The following CACNA2D3 variants were observed in gnomAD, a reference collection of about 807,000 sequenced individuals.
CACNA2D3 encodes the protein voltage-dependent calcium channel subunit alpha-2/delta-3.
A neutral mutation model predicts 160.6 loss-of-function variants in CACNA2D3; 60 were observed. That is an observed-to-expected ratio of 0.37 (90% confidence interval 0.30 to 0.46). The LOEUF is 0.46. Among genes scored for constraint, CACNA2D3 ranks in the 20% least tolerant of loss-of-function variants. The pLI, the probability that CACNA2D3 is intolerant of heterozygous loss-of-function variation, is 1.00. For missense variants in CACNA2D3, 1,205 were observed against 1,365.0 expected (o/e 0.88, Z 1.85); for synonymous variants, 558 against 492.9 (o/e 1.13, Z -1.75).
chr3:54,503,422 C>A, intron 4 of CACNA2D3, 70 bp from the exon 5 acceptor site: 1 of 1,410,902 alleles, frequency 7.1e-7, no homozygotes, highest in Non-Finnish European at 1.0e-6. Flanking sequence ...ATGGCCTGTG[C>A]CCAGGTCTAA....
chr3:55,008,886 T>TACACACACACACACACACAC (rs1491125549), intron 33 of CACNA2D3, among the ~76,000 whole-genome samples: 16 of 53,352 alleles, frequency 3.0e-4, no homozygotes, highest in South Asian at 1.3e-3. Context: ...CACCTCCCTC[T>TACACACACACACACACACAC]ATACACACAC....
chr3:54,811,967 A>G (rs1703331207), intron 13 of CACNA2D3, among the ~76,000 whole-genome samples: 1 of 152,228 alleles, frequency 6.6e-6, no homozygotes, highest in Non-Finnish European at 1.5e-5. Context: ...TCAGTAAGTT[A>G]ATATAGGTAA....
intron 5 of CACNA2D3, among the ~76,000 whole-genome samples, chr3:54,536,403 A>G (rs757945441): frequency 6.6e-6 from 1 of 152,160 alleles, no homozygotes; most frequent in Non-Finnish European, 1.5e-5. Context: ...AACACTTTCC[A>G]TTTGTTTATG....
At chr3:54,405,164 A>G (rs148709644) in intron 4 of CACNA2D3, among the ~76,000 whole-genome samples, 16 of 151,996 alleles carry the variant, frequency 1.1e-4, no homozygotes, top group Admixed American at 5.9e-4. Context: ...TATAGATCCA[A>G]TGCAATCCCT....
chr3:54,739,658 G>T (rs1223516227), intron 11 of CACNA2D3, among the ~76,000 whole-genome samples: 2 of 151,940 alleles, frequency 1.3e-5, no homozygotes, highest in Non-Finnish European at 2.9e-5. Flanking sequence ...TAGAGTCCAA[G>T]ATTGCATGTG....
chr3:54,335,657 G>C (rs1349168277), intron 3 of CACNA2D3, among the ~76,000 whole-genome samples: 1 of 152,142 alleles, frequency 6.6e-6, no homozygotes, highest in Non-Finnish European at 1.5e-5. Context: ...ATGCCTGACT[G>C]TCTAGAAATG....
At chr3:54,639,070 G>T (rs539481073) in intron 10 of CACNA2D3, 1 of 146,852 alleles carries the variant, frequency 6.8e-6, no homozygotes, top group Admixed American at 6.6e-5. Context: ...AGGGATTGGG[G>T]CGCAGAGATA....
At chr3:54,135,449 A>G (rs1429422023) in intron 2 of CACNA2D3, among the ~76,000 whole-genome samples, 2 of 152,232 alleles carry the variant, frequency 1.3e-5, no homozygotes, top group Admixed American at 1.3e-4. Context: ...TCTCTTCCCC[A>G]GGCGCAGCCT....
chr3:55,074,056 A>C, intron 37 of CACNA2D3, 58 bp from the exon 38 acceptor site: 1 of 1,406,762 alleles, frequency 7.1e-7, no homozygotes, highest in Non-Finnish European at 1.0e-6. Context: ...GGTCTGGGGA[A>C]AGTTGAAGGT....
intron 14 of CACNA2D3, among the ~76,000 whole-genome samples, chr3:54,827,158 T>A (rs1205092327): frequency 6.6e-6 from 1 of 152,226 alleles, no homozygotes; most frequent in African/African-American, 2.4e-5. Flanking sequence ...TGGCATCAGG[T>A]AGACCAAGAC....
At chr3:54,609,022 C>T (rs914526187) in intron 9 of CACNA2D3, among the ~76,000 whole-genome samples, 8 of 152,174 alleles carry the variant, frequency 5.3e-5, no homozygotes, top group African/African-American at 1.7e-4. Context: ...GTGTTATGGA[C>T]TGAATCATGT....
At chr3:54,942,394 C>T (rs940874958) in intron 27 of CACNA2D3, among the ~76,000 whole-genome samples, 2 of 152,188 alleles carry the variant, frequency 1.3e-5, no homozygotes, top group African/African-American at 4.8e-5. Context: ...AGAGCATGCA[C>T]ACCTTCTGAT....
At chr3:54,857,435 A>G (rs542082419) in intron 17 of CACNA2D3, among the ~76,000 whole-genome samples, 56 of 152,216 alleles carry the variant, frequency 3.7e-4, no homozygotes, top group Middle Eastern at 6.8e-3. Flanking sequence ...AGCAGACAAG[A>G]TGTGACGAGA....
chr3:55,059,991 A>G (rs1362951527), intron 35 of CACNA2D3, among the ~76,000 whole-genome samples: 3 of 151,980 alleles, frequency 2.0e-5, no homozygotes, highest in Admixed American at 6.6e-5. Context: ...TGGGTACAGG[A>G]TAGGGAGCAT....
chr3:54,694,454 T>G (rs970388898), intron 11 of CACNA2D3, among the ~76,000 whole-genome samples: 1 of 152,188 alleles, frequency 6.6e-6, no homozygotes, highest in Non-Finnish European at 1.5e-5. Flanking sequence ...ACTTATAACT[T>G]TATAGAAAAT....
chr3:54,477,029 G>A (rs1353682888), intron 4 of CACNA2D3, among the ~76,000 whole-genome samples: 1 of 152,108 alleles, frequency 6.6e-6, no homozygotes, highest in Non-Finnish European at 1.5e-5. Context: ...AGGAGGCTTG[G>A]GCTTTGTAGG....
chr3:54,662,937 A>C (rs1699998825), intron 11 of CACNA2D3, among the ~76,000 whole-genome samples: 1 of 152,228 alleles, frequency 6.6e-6, no homozygotes, highest in East Asian at 1.9e-4. Flanking sequence ...TCTAATTTGT[A>C]AAACAGCCTT....
intron 4 of CACNA2D3, among the ~76,000 whole-genome samples, chr3:54,474,834 A>G (rs1235833994): frequency 6.6e-6 from 1 of 152,158 alleles, no homozygotes; most frequent in Non-Finnish European, 1.5e-5. Flanking sequence ...ACTCTGCTGC[A>G]TACTTCCCTC....
intron 27 of CACNA2D3, among the ~76,000 whole-genome samples, chr3:54,939,741 A>G (rs974925832): frequency 1.2e-4 from 18 of 152,234 alleles, no homozygotes; most frequent in Admixed American, 1.2e-3. Flanking sequence ...ATTGCTGGGC[A>G]GGAAGGAGGG....
Sources: gnomAD v4.1 joint callset for allele counts (sites outside exome capture counted in the v4.1 genomes callset) on GRCh38, gnomAD v4.1.1 for gene constraint, MANE v1.5 for transcripts, NCBI Gene and HGNC (gene_info 2026-07-23, HGNC 2026-07-21) for gene names.